CUX1: variants seen among roughly 807,000 people sequenced by gnomAD.
CUX1 encodes the protein protein CASP.
A neutral mutation model predicts 158.8 loss-of-function variants in CUX1; 31 were observed. That is an observed-to-expected ratio of 0.20 (90% confidence interval 0.15 to 0.26). The LOEUF is 0.26. Among genes scored for constraint, CUX1 ranks in the 10% least tolerant of loss-of-function variants. CUX1 has a pLI of 1.00. For synonymous variants in CUX1, 879 were observed against 862.1 expected, an observed-to-expected ratio of 1.02 and a Z score of -0.34; for missense variants, 1,589 against 2,014.6, an observed-to-expected ratio of 0.79 and a Z score of 4.04.
intron 5 of CUX1, among the ~76,000 whole-genome samples, 189 bp from the exon 6 acceptor site, chr7:102,104,147 T>C (rs895976216): frequency 2.0e-5 from 3 of 152,118 alleles, no homozygotes; most frequent in Non-Finnish European, 2.9e-5. Flanking sequence ...CCTAAACGTT[T>C]AAAGTTCAAT....
At position 102,274,923 on chromosome 7, in the gene CUX1, G is replaced by A. The variant is rs17135123; in HGVS notation, c.1451-324G>A. 9.7e-3 allele frequency among the ~76,000 whole-genome samples: 1,484 copies of A among 152,300 alleles called. 16 individuals carry two copies. The highest frequency in any genetic ancestry group is 0.035 in the African/African-American group (1,440 of 41,564). On this transcript the variant is annotated intron_variant, in intron 16 of 22. Coordinates refer to the CUX1 transcript ENST00000292538. ...GGGATATAGGCCTAGTCTGACAGCTGCAAGGGTCTCAGATTCAAGGACAGA... is the reference window on the plus strand; with the variant it reads ...GGGATATAGGCCTAGTCTGACAGCTACAAGGGTCTCAGATTCAAGGACAGA...
At chr7:102,195,717 G>A in intron 14 of CUX1, 114 bp downstream of exon 14, 1 of 943,498 alleles carries the variant, frequency 1.1e-6, no homozygotes, top group Non-Finnish European at 1.6e-6. Flanking sequence ...AGAAGCGCCG[G>A]TTGACGAGAA....
intron 22 of CUX1, among the ~76,000 whole-genome samples, chr7:102,236,114 A>G (rs897143429): frequency 6.6e-6 from 1 of 152,236 alleles, no homozygotes; most frequent in Non-Finnish European, 1.5e-5. Context: ...GCAGATTTCA[A>G]TAGCTCCTAT....
At chr7:102,085,581 G>C (rs1554480166) in intron 4 of CUX1, among the ~76,000 whole-genome samples, 2 of 152,176 alleles carry the variant, frequency 1.3e-5, no homozygotes, top group African/African-American at 4.8e-5. Context: ...CTTCTGCCAT[G>C]ACTGTAAGTT....
intron 3 of CUX1, among the ~76,000 whole-genome samples, chr7:102,034,891 G>A (rs1468569160): frequency 1.3e-4 from 20 of 151,856 alleles, no homozygotes; most frequent in Admixed American, 9.2e-4. Context: ...CCGAGATCGC[G>A]CCACCGCACT....
intron 2 of CUX1, among the ~76,000 whole-genome samples, chr7:101,991,064 A>G (rs1004609570): frequency 1.3e-5 from 2 of 152,350 alleles, no homozygotes; most frequent in South Asian, 2.1e-4. Context: ...TTGTCAGGTC[A>G]GCTAGGTGCT....
At chr7:102,105,504 CTTTTTTTT>C (rs781922611) in intron 6 of CUX1, among the ~76,000 whole-genome samples, 2 of 85,878 alleles carry the variant, frequency 2.3e-5, no homozygotes, top group Non-Finnish European at 4.1e-5. Context: ...CCATATAGAT[CTTTTTTTT>C]TTTTTTTTTT....
chr7:102,147,302 C>T (rs938633456), intron 8 of CUX1, among the ~76,000 whole-genome samples: 16 of 152,148 alleles, frequency 1.1e-4, no homozygotes, highest in Admixed American at 7.2e-4. Flanking sequence ...AACCTTTCCC[C>T]GAAAAACACT....
At chr7:102,009,579 C>A (rs955094218) in intron 2 of CUX1, among the ~76,000 whole-genome samples, 1 of 152,242 alleles carries the variant, frequency 6.6e-6, no homozygotes, top group Non-Finnish European at 1.5e-5. Context: ...AGGCATGAAC[C>A]ACTGCACCCA....
At chr7:102,112,964 A>T (rs1470884870) in intron 7 of CUX1, among the ~76,000 whole-genome samples, 2 of 152,232 alleles carry the variant, frequency 1.3e-5, no homozygotes, top group African/African-American at 4.8e-5. Context: ...TCATAATTCA[A>T]CTTAAAACAC....
At chr7:102,219,259 C>T (rs1797569886) in intron 20 of CUX1, among the ~76,000 whole-genome samples, 1 of 151,974 alleles carries the variant, frequency 6.6e-6, no homozygotes, top group Non-Finnish European at 1.5e-5. Context: ...ATAGAAGAAA[C>T]TGGCACCCAT....
chr7:102,275,321 A>G (rs782153702), exon 17 of CUX1: 14 of 1,612,810 alleles, frequency 8.7e-6, no homozygotes, highest in African/African-American at 1.3e-5. Context: ...CTCCAGCCAG[A>G]GGGAGCGCTT....
At position 102,253,711 on chromosome 7, in the gene CUX1, G is replaced by A; in HGVS notation, c.*4669G>A. On this transcript the variant is annotated 3_prime_UTR_variant, in exon 24 of 24. Coordinates refer to ENST00000292535, the MANE Select transcript of CUX1 (RefSeq NM_181552.4). ...AATGCAGTATGACAGGCGCTTCTTG[G>A]CAGACCAGTAAAAACAAAAGCCCAT... 2 of 985,450 alleles carry A rather than the reference G, an allele frequency of 2.0e-6. No homozygotes were observed. Among genetic ancestry groups the A allele is most frequent in the Non-Finnish European group, 2.4e-6 (2 of 829,966 alleles). 61.0% of individuals were successfully genotyped at this position (985,450 alleles called of 1,614,324 possible).
intron 4 of CUX1, among the ~76,000 whole-genome samples, chr7:102,089,640 T>A (rs539510803): frequency 6.6e-6 from 1 of 151,738 alleles, no homozygotes; most frequent in East Asian, 1.9e-4. Flanking sequence ...CTGTGGGAGG[T>A]TTTCAGCTCA....
At chr7:101,983,045 A>G (rs539295957) in intron 2 of CUX1, among the ~76,000 whole-genome samples, 6 of 151,514 alleles carry the variant, frequency 4.0e-5, no homozygotes, top group Non-Finnish European at 8.8e-5. Context: ...TCATTCATTC[A>G]CCCAACAGTT....
At chr7:101,905,683 G>A (rs948903839) in intron 1 of CUX1, among the ~76,000 whole-genome samples, 4 of 152,214 alleles carry the variant, frequency 2.6e-5, no homozygotes, top group African/African-American at 9.6e-5. Context: ...ATCTGGCCAA[G>A]AGGTTTCCTT....
At chr7:101,957,242 A>G (rs535362862) in intron 2 of CUX1, among the ~76,000 whole-genome samples, 37 of 152,374 alleles carry the variant, frequency 2.4e-4, no homozygotes, top group African/African-American at 8.7e-4. Flanking sequence ...AGATGAATAT[A>G]TAGACATACA....
intron 12 of CUX1, among the ~76,000 whole-genome samples, chr7:102,191,326 C>G (rs943999975): frequency 2.6e-5 from 4 of 152,160 alleles, no homozygotes; most frequent in Non-Finnish European, 4.4e-5. Flanking sequence ...CTCCGCCTCC[C>G]GAGTTCAAGC....
At chr7:101,857,629 G>T (rs1032353150) in intron 1 of CUX1, among the ~76,000 whole-genome samples, 1 of 152,214 alleles carries the variant, frequency 6.6e-6, no homozygotes, top group Non-Finnish European at 1.5e-5. Context: ...AGGGAAAGAC[G>T]GAGCTTGTCT....
Sources: allele counts gnomAD v4.1 joint callset (sites outside exome capture counted in the v4.1 genomes callset), GRCh38; gene constraint gnomAD v4.1.1; transcripts MANE v1.5; gene names NCBI Gene and HGNC (gene_info 2026-07-23, HGNC 2026-07-21).